Variants in FYN observed in about 807,000 individuals in gnomAD.
FYN encodes FYN proto-oncogene, Src family tyrosine kinase.
A neutral mutation model predicts 70.2 loss-of-function variants in FYN; 10 were observed. The observed-to-expected ratio is 0.14, with a 90% CI of 0.09 to 0.24. FYN has a LOEUF of 0.24. Ranked by LOEUF, FYN falls within the 10% of genes least tolerant of loss-of-function variation. The probability of loss-of-function intolerance (pLI) is 1.00; values close to 1 mark genes in which losing one functional copy is unlikely to be tolerated. For synonymous variants in FYN, 236 were observed against 248.6 expected (o/e 0.95, Z 0.48); for missense variants, 319 against 673.1 (o/e 0.47, Z 5.82).
At chr6:111,823,707 T>C (rs1355719796) in intron 2 of FYN, among the ~76,000 whole-genome samples, 1 of 152,148 alleles carries the variant, frequency 6.6e-6, no homozygotes, top group Non-Finnish European at 1.5e-5. Context: ...TCTTGTATCA[T>C]GCTAACATAA....
chr6:111,711,836 T>C (rs1402152394), intron 5 of FYN, among the ~76,000 whole-genome samples: 1 of 152,254 alleles, frequency 6.6e-6, no homozygotes, highest in Non-Finnish European at 1.5e-5. Context: ...CAGGATATTG[T>C]CTTGTTACAC....
At chr6:111,679,260 C>A (rs1465009810) in intron 12 of FYN, among the ~76,000 whole-genome samples, 3 of 152,224 alleles carry the variant, frequency 2.0e-5, no homozygotes, top group Non-Finnish European at 4.4e-5. Context: ...GAACCTTTGC[C>A]TGATCACTAA....
At chr6:111,740,445 A>G (rs1163360595) in intron 3 of FYN, among the ~76,000 whole-genome samples, 2 of 152,248 alleles carry the variant, frequency 1.3e-5, no homozygotes, top group African/African-American at 4.8e-5. Flanking sequence ...ATATTAATGA[A>G]ATAGTGAAGG....
chr6:111,688,580 C>T (rs1201498082), intron 12 of FYN, among the ~76,000 whole-genome samples: 10 of 152,136 alleles, frequency 6.6e-5, no homozygotes, highest in African/African-American at 2.4e-4. Context: ...GCAGTAAGAC[C>T]GACTCCACAG....
chr6:111,765,788 A>G (rs1044533170), intron 3 of FYN, among the ~76,000 whole-genome samples: 2 of 152,148 alleles, frequency 1.3e-5, no homozygotes, highest in African/African-American at 2.4e-5. Context: ...AAAAAAAAAA[A>G]AAGATCCTTG....
At chr6:111,674,380 A>C in intron 13 of FYN, 119 bp downstream of exon 13, 3 of 1,159,034 alleles carry the variant, frequency 2.6e-6, no homozygotes, top group Non-Finnish European at 3.6e-6. Context: ...TGTTCTTCAA[A>C]CTCAAGCTCA....
At chr6:111,765,588 T>C (rs1157026909) in intron 3 of FYN, among the ~76,000 whole-genome samples, 1 of 152,204 alleles carries the variant, frequency 6.6e-6, no homozygotes, top group Non-Finnish European at 1.5e-5. Flanking sequence ...CCTTTACCTA[T>C]TTCTCTGGCG....
intron 3 of FYN, among the ~76,000 whole-genome samples, chr6:111,745,039 A>G (rs1278604445): frequency 6.6e-6 from 1 of 152,174 alleles, no homozygotes; most frequent in Non-Finnish European, 1.5e-5. Context: ...CTAGGGCCAC[A>G]CAACATTCTG....
chr6:111,865,505 G>A (rs769182872), intron 1 of FYN, among the ~76,000 whole-genome samples: 4 of 152,114 alleles, frequency 2.6e-5, no homozygotes, highest in Non-Finnish European at 5.9e-5. Flanking sequence ...GGATTACTGC[G>A]TTCTAATCAA....
intron 3 of FYN, among the ~76,000 whole-genome samples, chr6:111,733,373 C>G (rs1390075423): frequency 6.6e-6 from 1 of 152,180 alleles, no homozygotes; most frequent in Non-Finnish European, 1.5e-5. Flanking sequence ...AGATCTAATA[C>G]GCTTGCATCT....
chr6:111,717,461 C>CT (rs376373236), intron 4 of FYN, among the ~76,000 whole-genome samples: 206 of 145,784 alleles, frequency 1.4e-3, no homozygotes, highest in South Asian at 6.3e-3. Flanking sequence ...AGGGAGCCCA[C>CT]TTTTTTTTTT....
At chr6:111,830,219 T>C (rs1383500202) in intron 2 of FYN, among the ~76,000 whole-genome samples, 1 of 152,162 alleles carries the variant, frequency 6.6e-6, no homozygotes, top group African/African-American at 2.4e-5. Context: ...AACGATGGCT[T>C]GTTGACAGAC....
intron 4 of FYN, among the ~76,000 whole-genome samples, chr6:111,718,588 C>A (rs912664717): frequency 4.6e-5 from 7 of 152,180 alleles, no homozygotes; most frequent in Non-Finnish European, 1.0e-4. Flanking sequence ...AGCCCTTATG[C>A]TTCTCACGGT....
chr6:111,806,445 G>C (rs1342264845), intron 2 of FYN, among the ~76,000 whole-genome samples: 1 of 152,104 alleles, frequency 6.6e-6, no homozygotes. Flanking sequence ...TAGGTTATTC[G>C]GTCCAAGATG....
chr6:111,705,104 G>C (rs1227472698), intron 6 of FYN, among the ~76,000 whole-genome samples: 6 of 151,864 alleles, frequency 4.0e-5, no homozygotes. Context: ...TGAATCTCTT[G>C]ATATCTAAGC....
chr6:111,667,179 T>C (rs1798048531), intron 13 of FYN, among the ~76,000 whole-genome samples: 1 of 152,208 alleles, frequency 6.6e-6, no homozygotes, highest in African/African-American at 2.4e-5. Context: ...AACTTCCCTA[T>C]TCCACTTCTT....
chr6:111,781,800 A>C (rs1437847087), intron 2 of FYN, among the ~76,000 whole-genome samples: 1 of 152,222 alleles, frequency 6.6e-6, no homozygotes, highest in Non-Finnish European at 1.5e-5. Context: ...GTATACTCTT[A>C]TACAGTTATC....
chr6:111,701,171 CTTCT>C (rs981819236), intron 8 of FYN, among the ~76,000 whole-genome samples: 13 of 152,096 alleles, frequency 8.5e-5, no homozygotes, highest in African/African-American at 1.9e-4. Context: ...GTCTTCTTTC[CTTCT>C]TTCTTTCTCT....
chr6:111,737,588 C>A (rs1009988638), intron 3 of FYN, among the ~76,000 whole-genome samples: 1 of 152,222 alleles, frequency 6.6e-6, no homozygotes, highest in Non-Finnish European at 1.5e-5. Flanking sequence ...CAGGAACCTG[C>A]ACATGTTCAG....
Sources: allele counts gnomAD v4.1 joint callset (sites outside exome capture counted in the v4.1 genomes callset), GRCh38; gene constraint gnomAD v4.1.1; transcripts MANE v1.5; gene names NCBI Gene and HGNC (gene_info 2026-07-23, HGNC 2026-07-21).